The following MMP26 variants were observed in gnomAD, a reference collection of about 807,000 sequenced individuals.
MMP26 encodes the protein matrix metalloproteinase-26.
MMP26 carries 33 observed loss-of-function variants against 31.0 expected under a neutral mutation model. That is an observed-to-expected ratio of 1.06 (90% CI 0.81 to 1.42). The LOEUF is 1.42. MMP26 is among the 40% of genes most tolerant of loss of function. The pLI is 0.00. For missense variants in MMP26, 347 were observed against 316.1 expected (o/e 1.10, Z -0.74); for synonymous variants, 122 against 114.9 (o/e 1.06, Z -0.40).
intron 2 of MMP26, chr11:4,848,249 A>G: frequency 6.2e-7 from 1 of 1,605,858 alleles, no homozygotes; most frequent in Non-Finnish European, 8.5e-7. Flanking sequence ...ACTGAGCACC[A>G]CCCACCTTCC....
chr11:4,773,969 T>C (rs1288118223), intron 2 of MMP26, among the ~76,000 whole-genome samples: 1 of 152,206 alleles, frequency 6.6e-6, no homozygotes, highest in Non-Finnish European at 1.5e-5. Flanking sequence ...GAACATGATC[T>C]CATTCCTTTT....
chr11:4,944,018 G>A (rs1173677103), intron 2 of MMP26: 5 of 424,006 alleles, frequency 1.2e-5, no homozygotes, highest in Admixed American at 5.6e-5. Context: ...CGCACACTGG[G>A]AGAATATGAG....
At chr11:4,804,176 G>A in intron 2 of MMP26, 2 of 1,614,126 alleles carry the variant, frequency 1.2e-6, no homozygotes, top group East Asian at 2.2e-5. Context: ...GTGATGGCCA[G>A]CATGGCCAGA....
chr11:4,840,674 G>C lies in MMP26; in HGVS notation c.-145+73333G>C, dbSNP rs114144790. Among the ~76,000 whole-genome samples the C allele has an allele frequency of 4.4e-3, 672 of 152,272 alleles. 6 individuals carry two copies. Among genetic ancestry groups the C allele is most frequent in the African/African-American group, 0.016 (652 of 41,558 alleles). The stretch of plus-strand genomic sequence containing the variant: ...TTAGATCACAACACCCAAGTCCCTT[G>C]AAATATCTATAAAGCCATCCCAAGA... On this transcript the variant is annotated intron_variant, in intron 2 of 7. Coordinates refer to ENST00000380390, the MANE Select transcript of MMP26 (RefSeq NM_021801.5).
chr11:4,986,958 T>TCC (rs1564819804), intron 2 of MMP26, among the ~76,000 whole-genome samples: 2 of 140,738 alleles, frequency 1.4e-5, no homozygotes, highest in African/African-American at 2.7e-5. Context: ...TCTCTCTCTC[T>TCC]CCCTCTCTCT....
intron 2 of MMP26, among the ~76,000 whole-genome samples, chr11:4,900,121 T>C (rs1850778810): frequency 6.6e-6 from 1 of 152,152 alleles, no homozygotes; most frequent in South Asian, 2.1e-4. Context: ...CTGTACCAGA[T>C]TGGAAGCTTT....
At chr11:4,882,670 G>C in intron 2 of MMP26, 1 of 1,613,874 alleles carries the variant, frequency 6.2e-7, no homozygotes, top group Non-Finnish European at 8.5e-7. Context: ...ATGTGCCACT[G>C]ATCAGCCTCT....
At chr11:4,714,478 C>A (rs544644008) in intron 1 of MMP26, among the ~76,000 whole-genome samples, 1 of 152,250 alleles carries the variant, frequency 6.6e-6, no homozygotes, top group Admixed American at 6.5e-5. Flanking sequence ...TTATCCTCAT[C>A]CTCATCTTCA....
intron 2 of MMP26, among the ~76,000 whole-genome samples, chr11:4,964,769 G>A (rs116980388): frequency 0.02 from 2,973 of 152,208 alleles, 45 homozygotes; most frequent in South Asian, 0.043. Flanking sequence ...CCTTCGCAGC[G>A]ACAAGGATGG....
chr11:4,796,008 A>G (rs1437560510), intron 2 of MMP26, among the ~76,000 whole-genome samples: 2 of 152,104 alleles, frequency 1.3e-5, no homozygotes, highest in Middle Eastern at 3.4e-3. Context: ...TTTGGAGCCC[A>G]TTATTTTTTC....
chr11:4,865,651 G>A (rs1019334337), intron 2 of MMP26, among the ~76,000 whole-genome samples: 1 of 151,944 alleles, frequency 6.6e-6, no homozygotes, highest in South Asian at 2.1e-4. Flanking sequence ...GCAGGAGTAG[G>A]AGTAGTAGTT....
chr11:4,914,047 A>C (rs1370442049), intron 2 of MMP26: 4 of 152,184 alleles, frequency 2.6e-5, no homozygotes. Flanking sequence ...TGTTTACAAA[A>C]CTGAAATTTT....
intron 2 of MMP26, among the ~76,000 whole-genome samples, chr11:4,846,993 G>T (rs1849879884): frequency 6.6e-6 from 1 of 152,192 alleles, no homozygotes; most frequent in Non-Finnish European, 1.5e-5. Context: ...CTGGGAACCA[G>T]GGACTGGCTC....
intron 1 of MMP26, among the ~76,000 whole-genome samples, chr11:4,735,824 A>G (rs963430595): frequency 6.6e-6 from 1 of 152,196 alleles, no homozygotes; most frequent in African/African-American, 2.4e-5. Flanking sequence ...TTTAAAAATC[A>G]AATAGAACAG....
chr11:4,973,161 A>G (rs1313392739), intron 2 of MMP26: 1 of 205,532 alleles, frequency 4.9e-6, no homozygotes, highest in African/African-American at 2.3e-5. Flanking sequence ...TGGGAAACAC[A>G]TGTATTGAGG....
intron 1 of MMP26, among the ~76,000 whole-genome samples, chr11:4,766,502 C>T (rs1456695571): frequency 6.6e-6 from 1 of 152,062 alleles, no homozygotes; most frequent in East Asian, 1.9e-4. Context: ...TTGAGGAGTT[C>T]TTTGACTCTA....
intron 2 of MMP26, among the ~76,000 whole-genome samples, chr11:4,836,888 C>T (rs1049957877): frequency 3.3e-5 from 5 of 151,374 alleles, no homozygotes; most frequent in African/African-American, 9.7e-5. Flanking sequence ...AGGCTGGTCC[C>T]GAACTCCTGA....
intron 1 of MMP26, among the ~76,000 whole-genome samples, chr11:4,743,398 A>G (rs554610726): frequency 6.6e-5 from 10 of 152,322 alleles, no homozygotes; most frequent in Admixed American, 5.2e-4. Flanking sequence ...ATTAGTTTCT[A>G]TTATATAATA....
At chr11:4,909,364 G>C (rs893739642) in intron 2 of MMP26, 2 of 152,164 alleles carry the variant, frequency 1.3e-5, no homozygotes, top group Non-Finnish European at 2.9e-5. Context: ...TCTAAGGTAA[G>C]AGTGTTGTAA....
Sources: gnomAD v4.1 joint callset for allele counts (sites outside exome capture counted in the v4.1 genomes callset) on GRCh38, gnomAD v4.1.1 for gene constraint, MANE v1.5 for transcripts, NCBI Gene and HGNC (gene_info 2026-07-23, HGNC 2026-07-21) for gene names.